Variants in KLF8 observed in about 807,000 individuals in gnomAD.
KLF8 encodes Krueppel-like factor 8.
A neutral mutation model predicts 18.2 loss-of-function variants in KLF8; 10 were observed. The observed-to-expected ratio is 0.55, with a 90% CI of 0.34 to 0.93. The LOEUF (loss-of-function observed/expected upper bound fraction) is 0.93. KLF8 is among the 40% of genes least tolerant of loss of function. The probability of loss-of-function intolerance (pLI) is 0.02; values close to 1 mark genes in which losing one functional copy is unlikely to be tolerated. For missense variants in KLF8, 264 were observed against 277.9 expected (o/e 0.95, Z 0.36); for synonymous variants, 109 against 97.3 (o/e 1.12, Z -0.71).
chrX:56,058,208 A>C, the KLF8 span, among the ~76,000 whole-genome samples: 1 of 84,960 alleles, frequency 1.2e-5, no homozygotes, highest in Admixed American at 1.3e-4. Context: ...ATATATACAC[A>C]TATATATACG....
chrX:56,008,795 C>T, the KLF8 span, among the ~76,000 whole-genome samples: 1 of 112,253 alleles, frequency 8.9e-6, no homozygotes, highest in South Asian at 3.7e-4. Context: ...AGGAATTCTC[C>T]ACAGCACAGC....
At chrX:56,116,634 GATATATAT>G in the KLF8 span, among the ~76,000 whole-genome samples, 1,499 of 78,124 alleles carry the variant, frequency 0.019, 39 homozygotes, top group African/African-American at 0.066. Flanking sequence ...ATGATGTTCT[GATATATAT>G]ATATATATAT....
chrX:55,922,610 G>C, the KLF8 span, among the ~76,000 whole-genome samples: 1 of 111,694 alleles, frequency 9.0e-6, no homozygotes, highest in African/African-American at 3.3e-5. Context: ...ACATATCCTG[G>C]AACTTAAAAT....
chrX:56,074,640 G>A, the KLF8 span: 3 of 142,249 alleles, frequency 2.1e-5, no homozygotes, highest in Non-Finnish European at 4.2e-5. Flanking sequence ...CTAATTCAGT[G>A]GTCTATATAT....
chrX:56,279,797 A>C (rs2147692592), intron 5 of KLF8, among the ~76,000 whole-genome samples: 1 of 111,999 alleles, frequency 8.9e-6, no homozygotes, highest in South Asian at 3.7e-4. Flanking sequence ...CCATTTATAG[A>C]GCTAGAGAAT....
the KLF8 span, chrX:56,074,449 C>A: frequency 2.7e-5 from 3 of 111,069 alleles, no homozygotes; most frequent in African/African-American, 9.8e-5. Context: ...TGATTGATTT[C>A]TTTTAATTAA....
chrX:56,102,810 G>T, the KLF8 span, among the ~76,000 whole-genome samples: 5 of 110,085 alleles, frequency 4.5e-5, no homozygotes, highest in African/African-American at 1.7e-4. Context: ...TTGCAGGCTT[G>T]TTGCATATGT....
At chrX:56,044,465 T>C in the KLF8 span, among the ~76,000 whole-genome samples, 5 of 112,288 alleles carry the variant, frequency 4.5e-5, no homozygotes, top group Non-Finnish European at 7.5e-5. Flanking sequence ...CTTCACCCTA[T>C]GGAGAGGTTA....
At position 56,273,134 on chromosome X, in the gene KLF8, A is replaced by C. The variant is rs921676299; in HGVS notation, c.898+2813A>C. The stretch of plus-strand genomic sequence containing the variant: ...AACCCAGTGTATCACAAATACTATC[A>C]CTTTACAACCTAATCAGTACGAACA... On this transcript the variant is annotated intron_variant, in intron 5 of 5. Transcript: ENST00000468660. 6.3e-5 allele frequency among the ~76,000 whole-genome samples: 7 copies of C among 111,614 alleles called. No individual in the cohort carries two copies. The East Asian group carries it at 2.0e-3, about 31-fold the overall frequency.
chrX:56,056,569 T>A, the KLF8 span, among the ~76,000 whole-genome samples: 1 of 93,700 alleles, frequency 1.1e-5, no homozygotes, highest in Admixed American at 1.2e-4. Context: ...AAACACCGCA[T>A]ATTCTCACTC....
At chrX:55,944,673 G>C in the KLF8 span, among the ~76,000 whole-genome samples, 4 of 111,078 alleles carry the variant, frequency 3.6e-5, no homozygotes, top group Admixed American at 9.6e-5. Context: ...GTTCGGTGGT[G>C]ATATCCCCTT....
chrX:55,912,503 T>C, the KLF8 span, among the ~76,000 whole-genome samples: 1 of 111,373 alleles, frequency 9.0e-6, no homozygotes, highest in African/African-American at 3.3e-5. Context: ...ATTTCAGCAC[T>C]CAAGTTTCAT....
chrX:56,224,369 T>C, the KLF8 span, among the ~76,000 whole-genome samples: 1 of 111,799 alleles, frequency 8.9e-6, no homozygotes, highest in Non-Finnish European at 1.9e-5. Flanking sequence ...AAATTTGTCA[T>C]AGAAAATTTG....
chrX:56,085,536 C>A, the KLF8 span, among the ~76,000 whole-genome samples: 3 of 112,158 alleles, frequency 2.7e-5, no homozygotes, highest in African/African-American at 9.7e-5. Flanking sequence ...ATGATGCCCA[C>A]CTATATTAGT....
At chrX:56,242,917 A>G in intron 1 of KLF8, 1 of 432,447 alleles carries the variant, frequency 2.3e-6, no homozygotes, top group Non-Finnish European at 4.3e-6. Flanking sequence ...TAAATTTAGA[A>G]TTAGTCAGCT....
chrX:55,945,957 T>G, the KLF8 span, among the ~76,000 whole-genome samples: 1 of 110,781 alleles, frequency 9.0e-6, no homozygotes, highest in Non-Finnish European at 1.9e-5. Flanking sequence ...CAAGGAGAAC[T>G]ACAAACTGCT....
At chrX:55,961,057 G>A in the KLF8 span, among the ~76,000 whole-genome samples, 1 of 110,855 alleles carries the variant, frequency 9.0e-6, no homozygotes, top group Non-Finnish European at 1.9e-5. Flanking sequence ...AGACCAAATA[G>A]ACTTTAAACC....
chrX:56,007,591 G>A, the KLF8 span, among the ~76,000 whole-genome samples: 1 of 111,228 alleles, frequency 9.0e-6, no homozygotes, highest in African/African-American at 3.3e-5. Flanking sequence ...GAGGTTTCCT[G>A]TCACTGCTTT....
chrX:55,936,812 G>A, the KLF8 span, among the ~76,000 whole-genome samples: 9 of 107,784 alleles, frequency 8.4e-5, no homozygotes, highest in East Asian at 5.9e-4. Context: ...ACTGCAAGTC[G>A]GCAGTGAGGC....
Sources: allele counts gnomAD v4.1 joint callset (sites outside exome capture counted in the v4.1 genomes callset), GRCh38; gene constraint gnomAD v4.1.1; transcripts MANE v1.5; gene names NCBI Gene and HGNC (gene_info 2026-07-23, HGNC 2026-07-21).